PRKCE: variants seen among roughly 807,000 people sequenced by gnomAD.
The protein encoded by PRKCE is protein kinase C epsilon.
A neutral mutation model predicts 85.4 loss-of-function variants in PRKCE; 16 were observed. That is an observed-to-expected ratio of 0.19 (90% CI 0.13 to 0.28). The LOEUF is 0.28. PRKCE is among the 10% of genes least tolerant of loss of function. The probability of loss-of-function intolerance (pLI) is 1.00; values close to 1 mark genes in which losing one functional copy is unlikely to be tolerated. For missense variants in PRKCE, 573 were observed against 975.2 expected (o/e 0.59, Z 5.49); for synonymous variants, 388 against 371.5 (o/e 1.04, Z -0.51).
At chr2:46,167,386 GTGTTGATGC>G (rs1678444275) in intron 14 of PRKCE, among the ~76,000 whole-genome samples, 1 of 152,154 alleles carries the variant, frequency 6.6e-6, no homozygotes, top group Non-Finnish European at 1.5e-5. Flanking sequence ...GGTGTTGATG[GTGTTGATGC>G]TGTTGGTGAG....
At chr2:45,807,212 T>TGC (rs1291135742) in intron 1 of PRKCE, among the ~76,000 whole-genome samples, 1 of 152,250 alleles carries the variant, frequency 6.6e-6, no homozygotes, top group Non-Finnish European at 1.5e-5. Context: ...CTTGCAATGT[T>TGC]GCTGTAAAGA....
chr2:46,083,393 A>G (rs1201362792), intron 10 of PRKCE, among the ~76,000 whole-genome samples: 3 of 152,298 alleles, frequency 2.0e-5, no homozygotes, highest in East Asian at 3.9e-4. Flanking sequence ...AACTGTGTCC[A>G]GTGTTGGTAG....
chr2:45,767,483 G>A lies in PRKCE; in HGVS notation c.349-75517G>A, dbSNP rs1388613725. Among the ~76,000 whole-genome samples the A allele has an allele frequency of 2.0e-5, 3 of 152,200 alleles. 1 individual carries two copies. The highest frequency in any genetic ancestry group is 1.9e-4 in the East Asian group (1 of 5,200). ...GTAAGGGAATTTATGTAGAAAGAGGGTATGTAATCAACCATGTTCACACTG... is the reference window on the plus strand; with the variant it reads ...GTAAGGGAATTTATGTAGAAAGAGGATATGTAATCAACCATGTTCACACTG... On this transcript the variant is annotated intron_variant, in intron 1 of 14. Coordinates refer to ENST00000306156, the MANE Select transcript of PRKCE (RefSeq NM_005400.3).
intron 11 of PRKCE, among the ~76,000 whole-genome samples, chr2:46,125,111 A>G (rs1673720148): frequency 6.6e-6 from 1 of 152,224 alleles, no homozygotes; most frequent in Non-Finnish European, 1.5e-5. Context: ...TCTGCATGTA[A>G]GCTTTAGAAA....
chr2:45,847,261 C>T (rs1213145935), intron 2 of PRKCE, among the ~76,000 whole-genome samples: 1 of 152,216 alleles, frequency 6.6e-6, no homozygotes, highest in East Asian at 1.9e-4. Flanking sequence ...CTTGTCAGAG[C>T]CTGGGCTTGT....
chr2:46,143,840 C>T (rs1167866349), intron 11 of PRKCE, among the ~76,000 whole-genome samples: 15 of 152,208 alleles, frequency 9.9e-5, no homozygotes, highest in Non-Finnish European at 2.1e-4. Context: ...TAAGTGGAAA[C>T]GGGGTCGTGG....
At chr2:45,702,910 A>G (rs560490420) in intron 1 of PRKCE, among the ~76,000 whole-genome samples, 4 of 152,218 alleles carry the variant, frequency 2.6e-5, no homozygotes, top group Non-Finnish European at 5.9e-5. Flanking sequence ...GTCATTCCAC[A>G]GAAAGACTTC....
intron 1 of PRKCE, among the ~76,000 whole-genome samples, chr2:45,759,658 A>G (rs138272189): frequency 3.3e-5 from 5 of 152,366 alleles, no homozygotes; most frequent in African/African-American, 1.2e-4. Context: ...ATGTAAGTAT[A>G]GAAGTGCCTC....
chr2:45,842,261 A>C (rs1180593752), intron 1 of PRKCE, among the ~76,000 whole-genome samples: 1 of 152,168 alleles, frequency 6.6e-6, no homozygotes, highest in African/African-American at 2.4e-5. Flanking sequence ...GCTGTTTCTT[A>C]CGCCTTGCAT....
chr2:45,990,539 G>C (rs934963936), intron 6 of PRKCE, among the ~76,000 whole-genome samples: 9 of 152,126 alleles, frequency 5.9e-5, no homozygotes, highest in African/African-American at 2.2e-4. Flanking sequence ...CAATCGTCTT[G>C]TCTATGGGGT....
rs1178185400 is a variant in PRKCE, at chr2:46,187,692, G to A, written c.*2811G>A. The A allele has an allele frequency of 6.7e-6, 1 of 148,914 alleles. No individual in the cohort carries two copies. The highest frequency in any genetic ancestry group is 1.5e-5 in the Non-Finnish European group (1 of 67,338). The allele number at this position is 148,914 out of a possible 1,614,324, so 9.2% of individuals were successfully genotyped here. A position where few individuals can be genotyped will look rare whatever the true frequency, so the allele number is the denominator to read the frequency against. On this transcript the variant is annotated 3_prime_UTR_variant, in exon 15 of 15. Coordinates refer to ENST00000306156, the MANE Select transcript of PRKCE (RefSeq NM_005400.3). ...ACATAATTTTTTTTCCTCCAAAGGT[G>A]AAAAAACAATGCATTCTTGCTTTAA...
intron 2 of PRKCE, among the ~76,000 whole-genome samples, chr2:45,967,597 A>T (rs932193774): frequency 1.3e-5 from 2 of 152,266 alleles, no homozygotes; most frequent in Non-Finnish European, 2.9e-5. Flanking sequence ...CCCAAGTCTC[A>T]GGAATCAAAT....
At chr2:45,849,582 C>G (rs1056433199) in intron 2 of PRKCE, among the ~76,000 whole-genome samples, 2 of 152,198 alleles carry the variant, frequency 1.3e-5, no homozygotes, top group African/African-American at 4.8e-5. Flanking sequence ...AAGCCAGACA[C>G]CAGCTCCAAG....
chr2:46,133,124 C>T lies in PRKCE; in HGVS notation c.1593-11969C>T, dbSNP rs59605250. Reference sequence around the variant, plus strand: ...GGTCCTGACAAAGGAGCTTGAAGTGCGGTTTTCTGGCCTTCCTGTCCGGGA... The same window carrying T: ...GGTCCTGACAAAGGAGCTTGAAGTGTGGTTTTCTGGCCTTCCTGTCCGGGA... On this transcript the variant is annotated intron_variant, in intron 11 of 14. Coordinates refer to ENST00000306156, the MANE Select transcript of PRKCE (RefSeq NM_005400.3). 2.1e-3 allele frequency among the ~76,000 whole-genome samples: 321 copies of T among 152,306 alleles called. 8 individuals carry two copies. The East Asian group carries it at 0.047, about 23-fold the overall frequency.
Position 46,019,621 on chromosome 2 carries a change from A to G in PRKCE, c.1437+9104A>G, listed in dbSNP as rs949198761. Reference sequence around the variant, plus strand: ...GTCTGATGTTTTTGTAGCCAGAAGTATACTTAGGAACTTAACTCTTCTTTA... The same window carrying G: ...GTCTGATGTTTTTGTAGCCAGAAGTGTACTTAGGAACTTAACTCTTCTTTA... On this transcript the variant is annotated intron_variant, in intron 10 of 14. Coordinates refer to ENST00000306156, the MANE Select transcript of PRKCE (RefSeq NM_005400.3). Among the ~76,000 whole-genome samples the G allele has an allele frequency of 5.9e-5, 9 of 152,224 alleles. 1 individual carries two copies. Among genetic ancestry groups the G allele is most frequent in the Admixed American group, 4.6e-4 (7 of 15,284 alleles).
chr2:45,742,416 C>G (rs925719104), intron 1 of PRKCE, among the ~76,000 whole-genome samples: 4 of 146,960 alleles, frequency 2.7e-5, no homozygotes, highest in African/African-American at 1.0e-4. Flanking sequence ...GCCTGGGTGA[C>G]AGAGAACCTA....
At chr2:46,127,539 C>T (rs1673981773) in intron 11 of PRKCE, among the ~76,000 whole-genome samples, 2 of 152,226 alleles carry the variant, frequency 1.3e-5, no homozygotes, top group African/African-American at 4.8e-5. Flanking sequence ...GATTACTTTT[C>T]ACAGTATTGG....
chr2:45,783,464 C>T (rs1000271031), intron 1 of PRKCE, among the ~76,000 whole-genome samples: 13 of 152,142 alleles, frequency 8.5e-5, no homozygotes, highest in East Asian at 7.7e-4. Context: ...GGAAATAGGA[C>T]GGAGTCTCAG....
intron 1 of PRKCE, among the ~76,000 whole-genome samples, chr2:45,721,129 A>G (rs563613968): frequency 6.6e-6 from 1 of 152,182 alleles, no homozygotes; most frequent in East Asian, 1.9e-4. Context: ...AAAACAAAAA[A>G]TCCTGAGCTA....
Sources: allele counts gnomAD v4.1 joint callset (sites outside exome capture counted in the v4.1 genomes callset), GRCh38; gene constraint gnomAD v4.1.1; transcripts MANE v1.5; gene names NCBI Gene and HGNC (gene_info 2026-07-23, HGNC 2026-07-21).